Variants in RERG observed in about 807,000 individuals in gnomAD.
The protein encoded by RERG is ras-related and estrogen-regulated growth inhibitor.
A neutral mutation model predicts 23.2 loss-of-function variants in RERG; 25 were observed. The ratio of observed to expected loss-of-function variants is 1.08; its 90% CI spans 0.79 to 1.50. The LOEUF (loss-of-function observed/expected upper bound fraction) is 1.50. Among genes scored for constraint, RERG ranks in the 40% most tolerant of loss-of-function variants. RERG has a pLI of 0.00. For missense variants in RERG, 253 were observed against 250.1 expected (o/e 1.01, Z -0.08); for synonymous variants, 81 against 89.1 (o/e 0.91, Z 0.51).
intron 2 of RERG, among the ~76,000 whole-genome samples, chr12:15,194,914 C>T (rs1306303454): frequency 6.6e-6 from 1 of 152,112 alleles, no homozygotes; most frequent in Non-Finnish European, 1.5e-5. Context: ...TGCCAGATGG[C>T]ACATGGTAAC....
chr12:15,145,013 T>C (rs1397381217), intron 2 of RERG, among the ~76,000 whole-genome samples: 1 of 152,208 alleles, frequency 6.6e-6, no homozygotes, highest in Non-Finnish European at 1.5e-5. Context: ...ATTCCTTCTC[T>C]TTCTATTAGA....
At chr12:15,163,978 G>A (rs116737334) in intron 2 of RERG, among the ~76,000 whole-genome samples, 1,701 of 152,258 alleles carry the variant, frequency 0.011, 29 homozygotes, top group African/African-American at 0.039. Context: ...CCATATTGCA[G>A]TCTTCTGCTA....
intron 1 of RERG, chr12:15,218,193 C>T (rs1042127769): frequency 4.6e-5 from 7 of 152,148 alleles, no homozygotes; most frequent in African/African-American, 1.7e-4. Flanking sequence ...CTATATTTTG[C>T]TGGACACAAT....
intron 2 of RERG, among the ~76,000 whole-genome samples, chr12:15,140,124 T>C (rs1378864933): frequency 6.6e-6 from 1 of 152,198 alleles, no homozygotes; most frequent in Non-Finnish European, 1.5e-5. Flanking sequence ...AAAACTAATA[T>C]ATGAAAATCC....
chr12:15,217,459 T>C lies in RERG; in HGVS notation c.31A>G (p.Ile11Val). The C allele has an allele frequency of 1.2e-6, 2 of 1,613,678 alleles. No individual in the cohort carries two copies. The highest frequency in any genetic ancestry group is 8.5e-7 in the Non-Finnish European group (1 of 1,179,640). ...TTGCCCACGCCTGCTCTCCCAAATA[T>C]TGCCAGTTTGACCTCCGCACTTTTA... is the stretch of plus-strand genomic sequence containing the variant. Reference protein sequence around the residue: MAKSAEVKLAIFGRAGVGKSA... With the variant: MAKSAEVKLAVFGRAGVGKSA... Residue 11 changes from isoleucine (I) to valine (V), a missense_variant, in exon 2 of 5, where the codon ATA (isoleucine) becomes GTA (valine). By Grantham distance (29) the Ile-to-Val change is conservative. Transcript: ENST00000256953.
intron 1 of RERG, among the ~76,000 whole-genome samples, chr12:15,219,762 A>G (rs1782230000): frequency 6.6e-6 from 1 of 152,234 alleles, no homozygotes; most frequent in Non-Finnish European, 1.5e-5. Flanking sequence ...AAAACTGTTC[A>G]TATACATGGA....
intron 2 of RERG, among the ~76,000 whole-genome samples, chr12:15,161,804 A>G (rs1864619629): frequency 6.6e-6 from 1 of 152,182 alleles, no homozygotes; most frequent in South Asian, 2.1e-4. Context: ...ATTGTTGACC[A>G]TTTACCATGT....
chr12:15,152,854 A>G (rs1434620113), intron 2 of RERG, among the ~76,000 whole-genome samples: 1 of 152,196 alleles, frequency 6.6e-6, no homozygotes, highest in Non-Finnish European at 1.5e-5. Flanking sequence ...TTCTTTCATC[A>G]TAGTAATTTT....
At chr12:15,208,068 G>T (rs1865317232) in intron 2 of RERG, among the ~76,000 whole-genome samples, 3 of 152,138 alleles carry the variant, frequency 2.0e-5, no homozygotes, top group African/African-American at 7.2e-5. Context: ...AATATGGATG[G>T]GCCTCATCCA....
chr12:15,113,416 G>C (rs1050814127), intron 3 of RERG, among the ~76,000 whole-genome samples: 13 of 151,962 alleles, frequency 8.6e-5, no homozygotes, highest in African/African-American at 2.7e-4. Context: ...AATTAAGAGA[G>C]ACAATGCAAT....
intron 2 of RERG, among the ~76,000 whole-genome samples, chr12:15,131,663 ATCTGG>A (rs1443113474): frequency 5.3e-5 from 8 of 152,246 alleles, no homozygotes; most frequent in African/African-American, 1.9e-4. Context: ...GGTTTATGCC[ATCTGG>A]CATAAACCTC....
intron 1 of RERG, among the ~76,000 whole-genome samples, chr12:15,220,608 C>T (rs1208141094): frequency 2.6e-5 from 4 of 152,154 alleles, no homozygotes; most frequent in African/African-American, 7.2e-5. Context: ...ATGCTTTCTA[C>T]TTCCTCTTGG....
intron 4 of RERG, chr12:15,110,858 A>G (rs1272885080): frequency 6.6e-6 from 1 of 152,410 alleles, no homozygotes; most frequent in Non-Finnish European, 1.5e-5. Context: ...AATACCAAAT[A>G]TTACAAGAAA....
At chr12:15,182,199 C>A (rs1269477027) in intron 2 of RERG, among the ~76,000 whole-genome samples, 1 of 151,810 alleles carries the variant, frequency 6.6e-6, no homozygotes, top group Non-Finnish European at 1.5e-5. Context: ...GCTGGGATTA[C>A]AGGCATGTGC....
At chr12:15,207,108 C>T (rs1166050479) in intron 2 of RERG, among the ~76,000 whole-genome samples, 1 of 151,978 alleles carries the variant, frequency 6.6e-6, no homozygotes, top group Non-Finnish European at 1.5e-5. Flanking sequence ...GTAAGTTACC[C>T]AAAAAGTGAC....
At position 15,137,730 on chromosome 12, in the gene RERG, A is replaced by AT. The variant is rs1591642895; in HGVS notation, c.62-16612_62-16611insA. On this transcript the variant is annotated intron_variant, in intron 2 of 4. Coordinates refer to ENST00000256953, the MANE Select transcript of RERG (RefSeq NM_032918.3). ...CTTCGTTGTCATTCATTCAACTTATACATGAGCAATTATAAATACATTGTT... is the reference window on the plus strand; with the variant it reads ...CTTCGTTGTCATTCATTCAACTTATATCATGAGCAATTATAAATACATTGTT... The AT allele has an allele frequency of 1.8e-5, 6 of 342,102 alleles. No individual in the cohort carries two copies. In the East Asian group the frequency reaches 3.7e-4, roughly 21 times the overall value. 21.2% of individuals were successfully genotyped at this position (342,102 alleles called of 1,614,324 possible).
At chr12:15,166,853 G>GA (rs1864702139) in intron 2 of RERG, among the ~76,000 whole-genome samples, 1 of 137,608 alleles carries the variant, frequency 7.3e-6, no homozygotes, top group Non-Finnish European at 1.6e-5. Context: ...ATTGTTTTTT[G>GA]TTTTTTTTTT....
At chr12:15,138,921 T>C (rs1864187816) in intron 2 of RERG, among the ~76,000 whole-genome samples, 1 of 151,388 alleles carries the variant, frequency 6.6e-6, no homozygotes, top group Non-Finnish European at 1.5e-5. Flanking sequence ...TCTCCTATAC[T>C]ATAATCTAGA....
chr12:15,144,382 G>T (rs1032425652), intron 2 of RERG, among the ~76,000 whole-genome samples: 4 of 152,166 alleles, frequency 2.6e-5, no homozygotes, highest in African/African-American at 9.7e-5. Context: ...ATTGGATGAG[G>T]TCACTTGAAG....
Sources: allele counts gnomAD v4.1 joint callset (sites outside exome capture counted in the v4.1 genomes callset), GRCh38; gene constraint gnomAD v4.1.1; transcripts MANE v1.5; gene names NCBI Gene and HGNC (gene_info 2026-07-23, HGNC 2026-07-21).